Variants in PKD1 observed in about 807,000 individuals in gnomAD.
The protein encoded by PKD1 is polycystin 1, transient receptor potential channel interacting.
Under a neutral mutation model 361.7 loss-of-function variants are expected in PKD1, and 81 were observed. The ratio of observed to expected loss-of-function variants is 0.22; its 90% CI spans 0.19 to 0.27. The LOEUF (loss-of-function observed/expected upper bound fraction) is 0.27, where lower values mean the gene tolerates loss of function less well. Ranked by LOEUF, PKD1 falls within the 10% of genes least tolerant of loss-of-function variation. The probability of loss-of-function intolerance (pLI) is 1.00; values close to 1 mark genes in which losing one functional copy is unlikely to be tolerated. For missense variants in PKD1, 6,399 were observed against 6,118.3 expected (o/e 1.05, Z -1.53); for synonymous variants, 3,615 against 2,818.3 (o/e 1.28, Z -8.95).
Position 2,102,794 on chromosome 16 carries a change from G to A in PKD1, c.8948+20C>T, listed in dbSNP as rs1232150641. The A allele has an allele frequency of 2.5e-6, 4 of 1,609,864 alleles. No homozygotes were observed. Among genetic ancestry groups the A allele is most frequent in the Non-Finnish European group, 3.4e-6 (4 of 1,179,698 alleles). On this transcript the variant is annotated intron_variant, in intron 24 of 45. Coordinates refer to ENST00000262304, the MANE Select transcript of PKD1 (RefSeq NM_001009944.3). Reference sequence around the variant, plus strand: ...CATGATGCCCTGCCCTGCCCTGCCAGGCTGGCCCGCAGAGCTCACCCCGGG... The same window carrying A: ...CATGATGCCCTGCCCTGCCCTGCCAAGCTGGCCCGCAGAGCTCACCCCGGG...
rs531186208 is a variant in PKD1, at chr16:2,092,173, G to A, written c.11285C>T (p.Pro3762Leu). Residue 3762 changes from proline (P) to leucine (L), a missense_variant, in exon 40 of 46, where the codon CCT becomes CTT. Pro to Leu is a moderately conservative substitution (Grantham distance 98). Transcript: ENST00000262304. ...GCACGTGTGGACCCTGGGGCCGGGA[G>A]GGTCTGGGTAGAGTGCTGAAACACA... The part of the protein sequence containing the change: ...VRLQEALYPD[P>L]PGPRVHTCSA... 32 of 1,606,962 alleles carry A rather than the reference G, an allele frequency of 2.0e-5. No individual in the cohort carries two copies. The highest frequency in any genetic ancestry group is 1.4e-4 in the East Asian group (6 of 44,428).
chr16:2,099,829 G>T, intron 29 of PKD1, 32 bp downstream of exon 29: 2 of 1,557,652 alleles, frequency 1.3e-6, no homozygotes, highest in Non-Finnish European at 1.7e-6. Flanking sequence ...GGCTGGGCAG[G>T]AAGAGGCTGC....
chr16:2,089,649 CGGCCTTGACAGCG>C lies in PKD1; in HGVS notation c.*65_*77del. 1 of 1,512,342 alleles carries C rather than the reference CGGCCTTGACAGCG, an allele frequency of 6.6e-7. No individual in the cohort carries two copies. The highest frequency in any genetic ancestry group is 8.9e-7 in the Non-Finnish European group (1 of 1,117,442). 93.7% of individuals were successfully genotyped at this position (1,512,342 alleles called of 1,614,324 possible). ...ACGTGCAGCCATTCTGCCTGGCCCT[CGGCCTTGACAGCG>C]GCAGAAAGTAATACTGAGCGGTGTC... is the stretch of plus-strand genomic sequence containing the variant. On this transcript the variant is annotated 3_prime_UTR_variant, in exon 46 of 46. Coordinates refer to ENST00000262304, the MANE Select transcript of PKD1 (RefSeq NM_001009944.3).
At chr16:2,129,180 T>C (rs925919489) in intron 1 of PKD1, among the ~76,000 whole-genome samples, 1 of 147,372 alleles carries the variant, frequency 6.8e-6, no homozygotes, top group African/African-American at 2.5e-5. Context: ...TTTTTTTTTT[T>C]AAAGACCGTT....
chr16:2,110,916 G>T lies in PKD1; in HGVS notation c.4251C>A (p.Gly1417=). The change falls in exon 15 of 46, where the codon GGC becomes GGA. Residue 1417 remains glycine (G), a synonymous_variant. Coordinates refer to ENST00000262304, the MANE Select transcript of PKD1 (RefSeq NM_001009944.3). ...CACGGGTGGGGGCGGCTTCCTCGGT[G>T]CCAAAGTCCCAGGTGTAGCGGTAGG... ...PFPYRYTWDF[G]TEEAAPTRAR... is the part of the protein sequence containing the mutation. 1 of 1,611,316 alleles carries T rather than the reference G, an allele frequency of 6.2e-7. No individual in the cohort carries two copies. Among genetic ancestry groups the T allele is most frequent in the South Asian group, 1.1e-5 (1 of 91,012 alleles).
At position 2,090,365 on chromosome 16, in the gene PKD1, A is replaced by G; in HGVS notation, c.12364T>C (p.Trp4122Arg). ...ACCATCTCGTAGTCCTGGGGCTCCCAGGCCGGCCGGTACAGCTCTCCACGC... is the reference window on the plus strand; with the variant it reads ...ACCATCTCGTAGTCCTGGGGCTCCCGGGCCGGCCGGTACAGCTCTCCACGC... ...ALRGELYRPA[W>R]EPQDYEMVEL... is the part of the protein sequence containing the mutation. Residue 4122 changes from tryptophan (W) to arginine (R), a missense_variant, in exon 45 of 46, where the codon TGG becomes CGG. By Grantham distance (101) the Trp-to-Arg change is moderately radical. Transcript: ENST00000262304. 1 of 1,612,598 alleles carries G rather than the reference A, an allele frequency of 6.2e-7. No homozygotes were observed. Among genetic ancestry groups the G allele is most frequent in the East Asian group, 2.2e-5 (1 of 44,868 alleles).
At position 2,114,477 on chromosome 16, in the gene PKD1, A is replaced by C. The variant is rs780062360; in HGVS notation, c.2546T>G (p.Val849Gly). ...PTNGSALVLQ[V>G]DSGANATATA... ...GGCCGTGGCGTTGGCACCAGAGTCC[A>C]CCTGGAGCACCAAGGCTGAGCCGTT... Residue 849 changes from valine (V) to glycine (G), a missense_variant, in exon 11 of 46, where the codon GTG (valine) becomes GGG (glycine). By Grantham distance (109) the Val-to-Gly change is moderately radical (BLOSUM62 -3). Coordinates refer to ENST00000262304, the MANE Select transcript of PKD1 (RefSeq NM_001009944.3). The C allele has an allele frequency of 1.3e-6, 2 of 1,596,858 alleles. No individual in the cohort carries two copies. The highest frequency in any genetic ancestry group is 1.1e-5 in the South Asian group (1 of 90,922).
chr16:2,105,019 TAGGGGAGGGAAGGGGG>T (rs2092286568), intron 21 of PKD1, among the ~76,000 whole-genome samples: 1 of 61,844 alleles, frequency 1.6e-5, no homozygotes, highest in South Asian at 7.1e-4. Flanking sequence ...GGGGAGGGGC[TAGGGGAGGGAAGGGGG>T]AGGGGAGGGG....
chr16:2,109,379 C>T lies in PKD1; in HGVS notation c.5788G>A (p.Val1930Met), dbSNP rs767918756. The change falls in exon 15 of 46, where the codon GTG (valine) becomes ATG (methionine). Residue 1930 changes from valine (V) to methionine (M), a missense_variant. Transcript: ENST00000262304. ...RLQVGGANPE[V>M]LPGPRFSHSF... ...TGGGAGAAACGGGGCCCGGGGAGCA[C>T]CTCGGGGTTGGCCCCGCCGACCTGC... is the stretch of plus-strand genomic sequence containing the variant. The T allele has an allele frequency of 6.9e-6, 11 of 1,596,584 alleles. No homozygotes were observed. Among genetic ancestry groups the T allele is most frequent in the East Asian group, 6.7e-5 (3 of 44,784 alleles).
In PKD1 at chr16:2,100,360, G is replaced by T. The variant is rs373119091; in HGVS notation, c.9568+36C>A. On this transcript the variant is annotated intron_variant, in intron 27 of 45. Coordinates refer to ENST00000262304, the MANE Select transcript of PKD1 (RefSeq NM_001009944.3). The surrounding 1 kb of genome is among the most constrained non-coding windows in gnomAD (Gnocchi z 4.4). Reference sequence around the variant, plus strand: ...GGCTCGCAGGGCGCCCCAATGCGGGGGCAGAGGGGCAGAGCTTGGCAGGGT... The same window carrying T: ...GGCTCGCAGGGCGCCCCAATGCGGGTGCAGAGGGGCAGAGCTTGGCAGGGT... 3 of 1,610,208 alleles carry T rather than the reference G, an allele frequency of 1.9e-6. No individual in the cohort carries two copies. In the South Asian group the frequency reaches 3.3e-5, roughly 18 times the overall value.
In PKD1 at chr16:2,098,400, G is replaced by A. The variant is rs1300059660; in HGVS notation, c.10051-416C>T. On this transcript the variant is annotated intron_variant, in intron 30 of 45. Coordinates refer to ENST00000262304, the MANE Select transcript of PKD1 (RefSeq NM_001009944.3). Reference sequence around the variant, plus strand: ...ATTTTTTGTATTTTTAGTAGAGACGGGGTTTCACTGTGTTGGCCAGGCTGG... The same window carrying A: ...ATTTTTTGTATTTTTAGTAGAGACGAGGTTTCACTGTGTTGGCCAGGCTGG... Among the ~76,000 whole-genome samples, 11 of 151,026 alleles carry A rather than the reference G, an allele frequency of 7.3e-5. No homozygotes were observed. In the East Asian group the frequency reaches 2.2e-3, roughly 30 times the overall value.
At chr16:2,128,621 G>C (rs1379598085) in intron 1 of PKD1, among the ~76,000 whole-genome samples, 1 of 152,234 alleles carries the variant, frequency 6.6e-6, no homozygotes, top group Non-Finnish European at 1.5e-5. Context: ...CTGCGGTGCC[G>C]TGATGAGGTA....
At chr16:2,122,470 G>T (rs1344500291) in intron 1 of PKD1, among the ~76,000 whole-genome samples, 1 of 152,224 alleles carries the variant, frequency 6.6e-6, no homozygotes, top group East Asian at 1.9e-4. Context: ...CCAAGGTAGG[G>T]ACACGGGCTG....
chr16:2,107,370 C>A (rs572003696), intron 16 of PKD1: 7 of 368,362 alleles, frequency 1.9e-5, no homozygotes, highest in African/African-American at 1.3e-4. Flanking sequence ...CCCACACCCT[C>A]CCCTCAGACG....
At chr16:2,129,162 GT>G (rs773049623) in intron 1 of PKD1, among the ~76,000 whole-genome samples, 3,057 of 132,444 alleles carry the variant, frequency 0.023, 31 homozygotes, top group Middle Eastern at 0.038. Context: ...CGCCCACCCT[GT>G]TTTTTTTTTT....
chr16:2,111,352 A>G lies in PKD1; in HGVS notation c.3815T>C (p.Val1272Ala). The G allele has an allele frequency of 1.2e-6, 2 of 1,610,236 alleles. No homozygotes were observed. The highest frequency in any genetic ancestry group is 1.7e-6 in the Non-Finnish European group (2 of 1,179,290). The change falls in exon 15 of 46, where the codon GTG (valine) becomes GCG (alanine). Residue 1272 changes from valine to alanine, a missense_variant. Physicochemically the swap from Val to Ala is moderately conservative, Grantham distance 64. Coordinates refer to ENST00000262304, the MANE Select transcript of PKD1 (RefSeq NM_001009944.3). ...GGCGGGGCTGGCCGCACCCACGGTC[A>G]CTGTGCAGTTCTGTGCCCGCAGGTA... ...HVYLRAQNCT[V>A]TVGAASPAGH...
At chr16:2,105,270 C>G (rs1222076616) in intron 21 of PKD1, 52 bp downstream of exon 21, 16 of 1,581,972 alleles carry the variant, frequency 1.0e-5, no homozygotes, top group Non-Finnish European at 1.4e-5. Context: ...GGGGCTGAAC[C>G]CAGTGCCCTG....
rs982042024 is a variant in PKD1 at position 2,135,653 on chromosome 16, G to C, written c.37C>G (p.Leu13Val). Reference protein sequence around the residue: ...PAAPARLALALGLGLWLGALA... With the variant: ...PAAPARLALAVGLGLWLGALA... Reference sequence around the variant, plus strand: ...GCCCCGAGCCACAGGCCCAGGCCCAGGGCCAGCGCCAGGCGGGCGGGCGCG... The same window carrying C: ...GCCCCGAGCCACAGGCCCAGGCCCACGGCCAGCGCCAGGCGGGCGGGCGCG... Residue 13 changes from leucine (L) to valine (V), a missense_variant, in exon 1 of 46, where the codon CTG becomes GTG. Leu to Val is a conservative substitution (Grantham distance 32, BLOSUM62 1). Transcript: ENST00000262304. 1.1e-5 allele frequency: 9 copies of C among 822,844 alleles called. No homozygotes were observed. Among genetic ancestry groups the C allele is most frequent in the Admixed American group, 1.3e-4 (2 of 15,784 alleles). The allele number at this position is 822,844 out of a possible 1,614,324, so 51.0% of individuals were successfully genotyped here. A position where few individuals can be genotyped will look rare whatever the true frequency, so the allele number is the denominator to read the frequency against.
At chr16:2,102,696 A>G in intron 24 of PKD1, 63 bp from the exon 25 acceptor site, 7 of 1,609,066 alleles carry the variant, frequency 4.4e-6, no homozygotes, top group Non-Finnish European at 5.9e-6. Flanking sequence ...TCGCAGTCTC[A>G]GAGCCCATAC....
Sources: gnomAD v4.1 joint callset for allele counts (sites outside exome capture counted in the v4.1 genomes callset) on GRCh38, gnomAD v4.1.1 for gene constraint, Gnocchi (gnomAD v3.1) non-coding constraint, MANE v1.5 for transcripts, NCBI Gene and HGNC (gene_info 2026-07-23, HGNC 2026-07-21) for gene names.